The following ADAM29 variants were observed in gnomAD, a reference collection of about 807,000 sequenced individuals.
ADAM29 encodes disintegrin and metalloproteinase domain-containing protein 29.
For synonymous variants in ADAM29, 367 were observed against 342.3 expected (o/e 1.07, Z -0.80); for missense variants, 969 against 1,001.8 (o/e 0.97, Z 0.44).
At chr4:174,923,452 T>G (rs2110895952) in intron 2 of ADAM29, among the ~76,000 whole-genome samples, 1 of 150,340 alleles carries the variant, frequency 6.7e-6, no homozygotes, top group South Asian at 2.1e-4. Flanking sequence ...GAGCTGTTTC[T>G]TCAGATCAAT....
intron 4 of ADAM29, among the ~76,000 whole-genome samples, chr4:174,951,005 G>A (rs1745143284): frequency 6.6e-6 from 1 of 152,042 alleles, no homozygotes; most frequent in South Asian, 2.1e-4. Flanking sequence ...TTCCTCTATA[G>A]CCTGAAGAAC....
chr4:174,950,871 A>G lies in ADAM29; in HGVS notation c.-181+13858A>G, dbSNP rs1277681516. Among the ~76,000 whole-genome samples the G allele has an allele frequency of 2.6e-5, 4 of 151,822 alleles. No homozygotes were observed. In the South Asian group the frequency reaches 8.3e-4, roughly 32 times the overall value. ...ATCTGATTGTTGGAAAGTGTGTGGC[A>G]CTTTCCCCTTCTCTCTTTCTCTCTT... On this transcript the variant is annotated intron_variant, in intron 4 of 4. Coordinates refer to ENST00000359240, the MANE Select transcript of ADAM29 (RefSeq NM_014269.4).
At chr4:174,945,135 C>T (rs1039603562) in intron 4 of ADAM29, among the ~76,000 whole-genome samples, 1 of 152,114 alleles carries the variant, frequency 6.6e-6, no homozygotes, top group African/African-American at 2.4e-5. Flanking sequence ...TAAGCATTCC[C>T]TTTTCTTCAC....
chr4:174,967,768 T>C (rs560257438), intron 4 of ADAM29, among the ~76,000 whole-genome samples: 1 of 152,308 alleles, frequency 6.6e-6, no homozygotes, highest in African/African-American at 2.4e-5. Flanking sequence ...TTGGACTCAT[T>C]TAATGCTTAT....
At chr4:174,954,775 C>T (rs1274098814) in intron 4 of ADAM29, among the ~76,000 whole-genome samples, 2 of 152,050 alleles carry the variant, frequency 1.3e-5, no homozygotes, top group Non-Finnish European at 2.9e-5. Context: ...GATCATCCAT[C>T]TCAGGTAGGT....
At chr4:174,927,707 A>G (rs116396647) in intron 2 of ADAM29, among the ~76,000 whole-genome samples, 49 of 152,300 alleles carry the variant, frequency 3.2e-4, no homozygotes, top group African/African-American at 9.9e-4. Context: ...ATATATTTAT[A>G]GGGCTAGTCT....
intron 3 of ADAM29, among the ~76,000 whole-genome samples, chr4:174,932,879 T>C (rs1226708167): frequency 6.6e-6 from 1 of 152,158 alleles, no homozygotes; most frequent in Non-Finnish European, 1.5e-5. Flanking sequence ...AAAGAATAGA[T>C]AAGACTTATT....
Position 174,932,308 on chromosome 4 carries a change from G to A in ADAM29, c.-262+1134G>A, listed in dbSNP as rs79263748. 1.1e-3 allele frequency among the ~76,000 whole-genome samples: 173 copies of A among 152,172 alleles called. 6 individuals carry two copies. The East Asian group carries it at 0.03, about 26-fold the overall frequency. ...GTCTCAAAAAAGAAGAAAAAAAAAG[G>A]AATGACAATATATGAAGTTTTCCTG... On this transcript the variant is annotated intron_variant, in intron 3 of 4. Transcript: ENST00000359240.
At chr4:174,928,383 C>T (rs541535915) in intron 2 of ADAM29, among the ~76,000 whole-genome samples, 1 of 151,926 alleles carries the variant, frequency 6.6e-6, no homozygotes, top group African/African-American at 2.4e-5. Context: ...GACATGTCAA[C>T]CGCATCCTGT....
intron 4 of ADAM29, among the ~76,000 whole-genome samples, chr4:174,939,635 A>C (rs1305970193): frequency 6.6e-6 from 1 of 152,202 alleles, no homozygotes; most frequent in East Asian, 1.9e-4. Flanking sequence ...ATAATATTTC[A>C]TTTTGAGTTA....
Position 174,977,563 on chromosome 4 carries a change from T to C in ADAM29, c.2038T>C (p.Cys680Arg). 1 of 1,614,002 alleles carries C rather than the reference T, an allele frequency of 6.2e-7. No individual in the cohort carries two copies. Among genetic ancestry groups the C allele is most frequent in the Non-Finnish European group, 8.5e-7 (1 of 1,179,966 alleles). ...RKKKKKFCYL[C>R]ILLLIVLFIL... ...GAAGAAAAAGAAGTTCTGTTATCTG[T>C]GTATATTGTTGCTTATTGTTTTGTT... Residue 680 changes from cysteine (C) to arginine (R), a missense_variant, in exon 5 of 5, where the codon TGT (cysteine) becomes CGT (arginine). Transcript: ENST00000359240.
chr4:174,967,484 T>A (rs1746221012), intron 4 of ADAM29, among the ~76,000 whole-genome samples: 1 of 152,124 alleles, frequency 6.6e-6, no homozygotes, highest in Non-Finnish European at 1.5e-5. Flanking sequence ...GGCTCTCATA[T>A]ATTGCTTCAT....
chr4:174,960,154 T>C (rs10001808), intron 4 of ADAM29, among the ~76,000 whole-genome samples: 2,943 of 152,200 alleles, frequency 0.019, 99 homozygotes, highest in African/African-American at 0.067. Context: ...AGTGATAATC[T>C]TTCTATCCTT....
chr4:174,953,280 T>C (rs11133071), intron 4 of ADAM29, among the ~76,000 whole-genome samples: 63,515 of 151,768 alleles, frequency 0.42, 13,831 homozygotes, highest in African/African-American at 0.53. Flanking sequence ...AGCAAGACTC[T>C]GTCTAAAAAC....
chr4:174,968,771 CCACACACACACACACA>C lies in ADAM29; in HGVS notation c.-180-6554_-180-6539del, dbSNP rs36211576. Among the ~76,000 whole-genome samples, 117 of 148,790 alleles carry C rather than the reference CCACACACACACACACA, an allele frequency of 7.9e-4. 1 individual carries two copies. The highest frequency in any genetic ancestry group is 2.4e-3 in the Admixed American group (35 of 14,748). On this transcript the variant is annotated intron_variant, in intron 4 of 4. Coordinates refer to ENST00000359240, the MANE Select transcript of ADAM29 (RefSeq NM_014269.4). ...TTAAAATCAGTTTGCCACTTTCCGC[CCACACACACACACACA>C]CACACACACACACACACACAGCTTA...
intron 3 of ADAM29, among the ~76,000 whole-genome samples, chr4:174,933,466 C>T (rs185956095): frequency 6.6e-6 from 1 of 151,988 alleles, no homozygotes; most frequent in African/African-American, 2.4e-5. Flanking sequence ...ACATGCCTAC[C>T]AAGCTCTATT....
At chr4:174,956,468 A>T (rs1002269433) in intron 4 of ADAM29, among the ~76,000 whole-genome samples, 3 of 150,404 alleles carry the variant, frequency 2.0e-5, no homozygotes, top group African/African-American at 7.3e-5. Flanking sequence ...TTCCTGTTTT[A>T]AAAAAAGGTG....
intron 2 of ADAM29, among the ~76,000 whole-genome samples, chr4:174,929,671 T>G (rs1367571562): frequency 2.0e-5 from 3 of 152,076 alleles, no homozygotes; most frequent in Admixed American, 6.5e-5. Context: ...TCCTTCCCAC[T>G]TGTCTGCCTC....
At chr4:174,921,289 G>A (rs2110887385) in intron 2 of ADAM29, among the ~76,000 whole-genome samples, 1 of 152,314 alleles carries the variant, frequency 6.6e-6, no homozygotes, top group Non-Finnish European at 1.5e-5. Context: ...GGCCCACTTA[G>A]AGTGGCTTCT....
Sources: allele counts gnomAD v4.1 joint callset (sites outside exome capture counted in the v4.1 genomes callset), GRCh38; gene constraint gnomAD v4.1.1; transcripts MANE v1.5; gene names NCBI Gene and HGNC (gene_info 2026-07-23, HGNC 2026-07-21).